The following SH2D4B variants were observed in gnomAD, a reference collection of about 807,000 sequenced individuals.
The protein encoded by SH2D4B is SH2 domain containing 4B, also known as SH2 domain-containing protein 4B.
A neutral mutation model predicts 61.5 loss-of-function variants in SH2D4B; 45 were observed. The observed-to-expected ratio is 0.73, with a 90% confidence interval of 0.58 to 0.94. SH2D4B has a LOEUF of 0.94. SH2D4B is among the 40% of genes least tolerant of loss of function. The probability of loss-of-function intolerance (pLI) is 0.00; values close to 1 mark genes in which losing one functional copy is unlikely to be tolerated. For missense variants in SH2D4B, 572 were observed against 574.2 expected, an observed-to-expected ratio of 1.00 and a Z score of 0.04; for synonymous variants, 224 against 220.4, an observed-to-expected ratio of 1.02 and a Z score of -0.14.
intron 6 of SH2D4B, among the ~76,000 whole-genome samples, chr10:80,631,937 A>T (rs1842838076): frequency 6.6e-6 from 1 of 151,920 alleles, no homozygotes; most frequent in Admixed American, 6.6e-5. Flanking sequence ...TTGCCAAGAG[A>T]GTTTTTGTTT....
chr10:80,603,790 G>T lies in SH2D4B; in HGVS notation c.855G>T (p.Pro285=), dbSNP rs770764104. Reference sequence around the variant, plus strand: ...GTCTGCCGCAGCCCCTTGCCCTGCCGGTCAGGTGGGTCCAGGCTCCGTGTT... The same window carrying T: ...GTCTGCCGCAGCCCCTTGCCCTGCCTGTCAGGTGGGTCCAGGCTCCGTGTT... ...DPGLPQPLAL[P]VSRTWERPLR... The change falls in exon 5 of 8, where the codon CCG becomes CCT. Residue 285 remains proline, a synonymous_variant. Coordinates refer to ENST00000646907, the MANE Select transcript of SH2D4B (RefSeq NM_001388272.1). 1.2e-6 allele frequency: 2 copies of T among 1,608,098 alleles called. No individual in the cohort carries two copies. Among genetic ancestry groups the T allele is most frequent in the South Asian group, 2.2e-5 (2 of 90,184 alleles).
At chr10:80,558,964 A>G (rs1016037170) in intron 1 of SH2D4B, among the ~76,000 whole-genome samples, 1 of 152,240 alleles carries the variant, frequency 6.6e-6, no homozygotes, top group African/African-American at 2.4e-5. Context: ...GCTTATATCT[A>G]TAATTTTCAG....
chr10:80,625,140 T>G (rs1842756749), intron 6 of SH2D4B, among the ~76,000 whole-genome samples: 1 of 152,258 alleles, frequency 6.6e-6, no homozygotes, highest in Non-Finnish European at 1.5e-5. Flanking sequence ...TATTTATTTT[T>G]CAGTTATTTG....
rs150834527 is a variant in SH2D4B, at chr10:80,626,425, C to T, written c.989-7860C>T. Among the ~76,000 whole-genome samples the T allele has an allele frequency of 7.9e-5, 12 of 152,266 alleles. 1 individual carries two copies. Among genetic ancestry groups the T allele is most frequent in the African/African-American group, 2.9e-4 (12 of 41,544 alleles). ...GGTTGACAAAAGAAGAATGGAATATCTTTGCATAGTTTTATAGTATGTGTC... is the reference window on the plus strand; with the variant it reads ...GGTTGACAAAAGAAGAATGGAATATTTTTGCATAGTTTTATAGTATGTGTC... On this transcript the variant is annotated intron_variant, in intron 6 of 7. Coordinates refer to ENST00000646907, the MANE Select transcript of SH2D4B (RefSeq NM_001388272.1).
chr10:80,608,895 C>T (rs1456100139), intron 5 of SH2D4B, among the ~76,000 whole-genome samples: 1 of 152,134 alleles, frequency 6.6e-6, no homozygotes, highest in African/African-American at 2.4e-5. Flanking sequence ...AGTTGTGGCA[C>T]AGGCAGGCGT....
rs78663378 is a variant in SH2D4B, at chr10:80,643,245, CT to C, written c.1210-735del. On this transcript the variant is annotated intron_variant, in intron 7 of 7. Coordinates refer to ENST00000646907, the MANE Select transcript of SH2D4B (RefSeq NM_001388272.1). ...TGGTTTCCAGGTTCTTTAAGTGGTT[CT>C]TTTTTTTTTTTTAAATAATGCCCAT... Among the ~76,000 whole-genome samples, 384 of 137,378 alleles carry C rather than the reference CT, an allele frequency of 2.8e-3. 1 individual carries two copies. The highest frequency in any genetic ancestry group is 3.8e-3 in the Middle Eastern group (1 of 266). The allele number at this position is 137,378 out of a possible 152,430, so 90.1% of individuals were successfully genotyped here.
chr10:80,540,259 T>C (rs1438468988), intron 1 of SH2D4B, among the ~76,000 whole-genome samples: 1 of 152,148 alleles, frequency 6.6e-6, no homozygotes, highest in East Asian at 1.9e-4. Flanking sequence ...GGATCCTGGC[T>C]CTTTGCTTCG....
chr10:80,612,048 T>A (rs1168030738), intron 6 of SH2D4B, among the ~76,000 whole-genome samples: 1 of 151,682 alleles, frequency 6.6e-6, no homozygotes, highest in Non-Finnish European at 1.5e-5. Context: ...TAAGATTATA[T>A]CCTTTCCTCA....
intron 5 of SH2D4B, chr10:80,607,614 G>C (rs956169399): frequency 1.3e-5 from 2 of 152,254 alleles, no homozygotes; most frequent in African/African-American, 4.8e-5. Flanking sequence ...ATTCAGTTTA[G>C]GGCGAGTAAA....
In SH2D4B at chr10:80,572,263, C is replaced by G. The variant is rs545159136; in HGVS notation, c.495+685C>G. Among the ~76,000 whole-genome samples, 13 of 152,274 alleles carry G rather than the reference C, an allele frequency of 8.5e-5. No homozygotes were observed. The South Asian group carries it at 2.7e-3, about 32-fold the overall frequency. On this transcript the variant is annotated intron_variant, in intron 3 of 7. Transcript: ENST00000646907. ...TCATAATATTCAGGTAATAATAACA[C>G]TCTTCTGGAAATATTTATGAGGATT...
At chr10:80,621,282 C>T (rs897578349) in intron 6 of SH2D4B, among the ~76,000 whole-genome samples, 3 of 152,244 alleles carry the variant, frequency 2.0e-5, no homozygotes, top group Non-Finnish European at 4.4e-5. Context: ...CCCCGCCGGA[C>T]AGGCAAAATG....
At chr10:80,620,201 G>C (rs1842703075) in intron 6 of SH2D4B, among the ~76,000 whole-genome samples, 1 of 152,198 alleles carries the variant, frequency 6.6e-6, no homozygotes, top group Admixed American at 6.5e-5. Flanking sequence ...GGACCTGGTG[G>C]AAGGTGATTG....
chr10:80,608,403 G>A (rs140671281), intron 5 of SH2D4B, among the ~76,000 whole-genome samples: 146 of 152,236 alleles, frequency 9.6e-4, no homozygotes, highest in African/African-American at 3.2e-3. Flanking sequence ...CACCGCGCCC[G>A]GCCCAGATGC....
chr10:80,548,960 TGAAG>T (rs1229807709), intron 1 of SH2D4B, among the ~76,000 whole-genome samples: 1 of 152,244 alleles, frequency 6.6e-6, no homozygotes, highest in Non-Finnish European at 1.5e-5. Context: ...GTTTTTCCAA[TGAAG>T]GGTCACTCTT....
intron 3 of SH2D4B, among the ~76,000 whole-genome samples, chr10:80,571,786 T>C (rs1049502957): frequency 5.3e-5 from 8 of 150,516 alleles, no homozygotes; most frequent in East Asian, 3.9e-4. Context: ...CTTTTTTTTT[T>C]TTTTTGAGAC....
At chr10:80,542,955 G>A (rs1010480165) in intron 1 of SH2D4B, among the ~76,000 whole-genome samples, 1 of 152,208 alleles carries the variant, frequency 6.6e-6, no homozygotes, top group African/African-American at 2.4e-5. Flanking sequence ...TGAGCCCAGT[G>A]GGGTTCCAGC....
rs1841603210 is a variant in SH2D4B at position 80,542,976 on chromosome 10, T to C, written c.184+4461T>C. Among the ~76,000 whole-genome samples the C allele has an allele frequency of 2.0e-5, 3 of 152,178 alleles. No homozygotes were observed. The South Asian group carries it at 6.2e-4, about 32-fold the overall frequency. ...CAGTGGGGTTCCAGCCTCTACTGCC[T>C]CCATTCTCCACAGCTGGGCTCAGGA... On this transcript the variant is annotated intron_variant, in intron 1 of 7. Coordinates refer to ENST00000646907, the MANE Select transcript of SH2D4B (RefSeq NM_001388272.1).
At chr10:80,567,500 T>C (rs1023888110) in intron 1 of SH2D4B, among the ~76,000 whole-genome samples, 7 of 152,208 alleles carry the variant, frequency 4.6e-5, no homozygotes, top group African/African-American at 1.7e-4. Context: ...GGTTCTGCAC[T>C]GGTCTCTATC....
At chr10:80,552,802 C>T (rs1010546936) in intron 1 of SH2D4B, among the ~76,000 whole-genome samples, 1 of 152,186 alleles carries the variant, frequency 6.6e-6, no homozygotes, top group African/African-American at 2.4e-5. Context: ...TCTTTGGGTT[C>T]ATTTTCATGT....
Sources: gnomAD v4.1 joint callset for allele counts (sites outside exome capture counted in the v4.1 genomes callset) on GRCh38, gnomAD v4.1.1 for gene constraint, MANE v1.5 for transcripts, NCBI Gene and HGNC (gene_info 2026-07-23, HGNC 2026-07-21) for gene names.